The following GATM variants were observed in gnomAD, a reference collection of about 807,000 sequenced individuals.
The protein encoded by GATM is glycine amidinotransferase.
In GATM, 23 loss-of-function variants were observed where a neutral mutation model predicts 54.2. The observed-to-expected ratio is 0.42, with a 90% confidence interval of 0.31 to 0.60. GATM has a LOEUF of 0.60. GATM is among the 20% of genes least tolerant of loss of function. The pLI, the probability that GATM is intolerant of heterozygous loss-of-function variation, is 0.14. For synonymous variants in GATM, 168 were observed against 183.1 expected (o/e 0.92, Z 0.67); for missense variants, 401 against 544.9 (o/e 0.74, Z 2.63).
At chr15:45,400,621 C>G (rs1889989847) in intron 1 of GATM, among the ~76,000 whole-genome samples, 2 of 152,186 alleles carry the variant, frequency 1.3e-5, no homozygotes, top group African/African-American at 4.8e-5. Flanking sequence ...CATCATATTC[C>G]TAATAGCATA....
intron 2 of GATM, among the ~76,000 whole-genome samples, chr15:45,373,831 A>G (rs1889584557): frequency 6.6e-6 from 1 of 152,228 alleles, no homozygotes; most frequent in African/African-American, 2.4e-5. Context: ...GGCTTAGCAC[A>G]TGGCATGAAA....
intron 1 of GATM, among the ~76,000 whole-genome samples, chr15:45,399,856 T>C (rs1000363817): frequency 7.2e-5 from 11 of 152,198 alleles, no homozygotes; most frequent in Admixed American, 1.3e-4. Context: ...CTTCAATTCA[T>C]AGAATTAACA....
intron 3 of GATM, among the ~76,000 whole-genome samples, chr15:45,385,529 A>T (rs1160421344): frequency 6.6e-6 from 1 of 152,244 alleles, no homozygotes; most frequent in Non-Finnish European, 1.5e-5. Context: ...ATTTCATCAT[A>T]AGATGAACAT....
intron 2 of GATM, among the ~76,000 whole-genome samples, chr15:45,398,950 C>T (rs1190906237): frequency 1.3e-5 from 2 of 151,800 alleles, no homozygotes; most frequent in Admixed American, 6.6e-5. Flanking sequence ...GAAACAGATT[C>T]CAATTATTTC....
chr15:45,369,509 C>G lies in GATM; in HGVS notation c.301G>C (p.Glu101Gln). 1 of 1,614,016 alleles carries G rather than the reference C, an allele frequency of 6.2e-7. No individual in the cohort carries two copies. The highest frequency in any genetic ancestry group is 8.5e-7 in the Non-Finnish European group (1 of 1,179,910). ...TTCTGGTAAAATGGCCAGTACTTTT[C>G]ATATGTGTTGGCCTGGAAGTAGAAG... ...FTIEVKANTY[E>Q]KYWPFYQKQG... Residue 101 changes from glutamate (E) to glutamine (Q), a missense_variant, in exon 3 of 9, where the codon GAA becomes CAA. By Grantham distance (29) the Glu-to-Gln change is conservative. Around this residue, in one of 3 missense-constraint regions of GATM, gnomAD observed 321 missense variants for 457.5 expected, o/e 0.70. Coordinates refer to ENST00000396659, the MANE Select transcript of GATM (RefSeq NM_001482.3).
intron 2 of GATM, chr15:45,373,212 T>C (rs2140652398): frequency 6.6e-6 from 1 of 152,306 alleles, no homozygotes; most frequent in South Asian, 2.1e-4. Context: ...AAAAACATAT[T>C]TGAGGCTGGG....
intron 1 of GATM, chr15:45,377,179 CAT>C (rs1268652883): frequency 2.1e-6 from 1 of 469,340 alleles, no homozygotes; most frequent in Non-Finnish European, 4.2e-6. Flanking sequence ...CTCAGAAAAC[CAT>C]AGACAGCTGC....
chr15:45,366,083 C>G lies in GATM; in HGVS notation c.941G>C (p.Gly314Ala), dbSNP rs1889443912. The G allele has an allele frequency of 1.9e-6, 3 of 1,614,102 alleles. No individual in the cohort carries two copies. The highest frequency in any genetic ancestry group is 2.5e-6 in the Non-Finnish European group (3 of 1,180,006). ...TCGGTCAGGGTTGGAAAGCACAATA[C>G]CAGGTCCAATGATGTTGAAGGTAGC... ...IDATFNIIGPGIVLSNPDRPC... is the reference protein window; with the variant it reads ...IDATFNIIGPAIVLSNPDRPC... Residue 314 changes from glycine to alanine, a missense_variant, in exon 6 of 9, where the codon GGT becomes GCT. By Grantham distance (60) the Gly-to-Ala change is moderately conservative (BLOSUM62 0). Coordinates refer to ENST00000396659, the MANE Select transcript of GATM (RefSeq NM_001482.3).
chr15:45,380,344 T>C (rs1889724799), upstream of GATM: 1 of 151,968 alleles, frequency 6.6e-6, no homozygotes, highest in Non-Finnish European at 1.5e-5. Context: ...GGAGTAAGTC[T>C]AGGTTCATAA....
chr15:45,383,931 A>G (rs540334874), intron 3 of GATM, among the ~76,000 whole-genome samples: 3 of 152,328 alleles, frequency 2.0e-5, no homozygotes, highest in African/African-American at 7.2e-5. Context: ...AGAGCTTCAC[A>G]TGTTATTTCA....
chr15:45,382,804 G>GTAATAA (rs145436247), upstream of GATM, among the ~76,000 whole-genome samples: 1 of 151,794 alleles, frequency 6.6e-6, no homozygotes. Context: ...AAAAATATTA[G>GTAATAA]TAATAATAAT....
In GATM at chr15:45,370,886, G is replaced by T. The variant is rs1889531958; in HGVS notation, c.289-1365C>A. On this transcript the variant is annotated intron_variant, in intron 2 of 8. Coordinates refer to ENST00000396659, the MANE Select transcript of GATM (RefSeq NM_001482.3). ...CCCACCAGGTTCAAATGATTCTCCT[G>T]CCTCAACTCCCTGAGTAACTGGGAT... 1.3e-5 allele frequency among the ~76,000 whole-genome samples: 2 copies of T among 152,116 alleles called. 1 individual carries two copies. Among genetic ancestry groups the T allele is most frequent in the South Asian group, 4.1e-4 (2 of 4,824 alleles).
rs1432139620 is a variant in GATM, at chr15:45,361,930, G to T, written c.*179C>A. ...TAGGAGTAGAGAGTAATACCTAGCA[G>T]AAGTTATTTTCTTTATGTCAAAGAA... On this transcript the variant is annotated 3_prime_UTR_variant, in exon 9 of 9. Transcript: ENST00000396659. The T allele has an allele frequency of 3.7e-5, 23 of 627,056 alleles. No individual in the cohort carries two copies. The East Asian group carries it at 6.3e-4, about 17-fold the overall frequency. 38.8% of individuals were successfully genotyped at this position (627,056 alleles called of 1,614,324 possible).
At chr15:45,364,592 C>T (rs1175185682) in intron 7 of GATM, 5 of 577,162 alleles carry the variant, frequency 8.7e-6, no homozygotes, top group African/African-American at 1.9e-5. Context: ...TCTGTCTTCT[C>T]CTTACTTCAT....
At chr15:45,369,587 G>C in intron 2 of GATM, 66 bp from the exon 3 acceptor site, 1 of 1,367,600 alleles carries the variant, frequency 7.3e-7, no homozygotes, top group Non-Finnish European at 1.0e-6. Context: ...TAGGTTCATA[G>C]GCAGTAAACA....
intron 2 of GATM, among the ~76,000 whole-genome samples, chr15:45,374,801 G>C (rs1435344310): frequency 6.6e-6 from 1 of 152,184 alleles, no homozygotes; most frequent in Non-Finnish European, 1.5e-5. Flanking sequence ...CCTGGTACAT[G>C]GTAGGCAATA....
chr15:45,393,495 G>A (rs1412998172), intron 3 of GATM, among the ~76,000 whole-genome samples: 1 of 152,008 alleles, frequency 6.6e-6, no homozygotes, highest in East Asian at 1.9e-4. Flanking sequence ...ACTTACAACT[G>A]TACCTGGTAC....
rs1424827158 is a variant in GATM, at chr15:45,366,432, G to A, written c.752C>T (p.Pro251Leu). Residue 251 changes from proline (P) to leucine (L), a missense_variant, in exon 5 of 9, where the codon CCA (proline) becomes CTA (leucine). Physicochemically the swap from Pro to Leu is moderately conservative, Grantham distance 98. Transcript: ENST00000396659. ...QGKFVTTEFE[P>L]CFDAADFIRA... ...AATGAAGTCAGCAGCATCAAAGCAT[G>A]GCTCAAACTCAGTTGTCACAAATTT... 2 of 1,614,120 alleles carry A rather than the reference G, an allele frequency of 1.2e-6. No homozygotes were observed. The highest frequency in any genetic ancestry group is 1.7e-5 in the Admixed American group (1 of 60,020).
chr15:45,392,310 C>A (rs1145076), intron 3 of GATM, among the ~76,000 whole-genome samples: 85,161 of 152,110 alleles, frequency 0.56, 27,338 homozygotes, highest in East Asian at 0.91. Flanking sequence ...TCCTACAGTG[C>A]GCATTCTCTC....
Sources: allele counts gnomAD v4.1 joint callset (sites outside exome capture counted in the v4.1 genomes callset), GRCh38; gene constraint gnomAD v4.1.1; regional missense constraint gnomAD v4.1.1; transcripts MANE v1.5; gene names NCBI Gene and HGNC (gene_info 2026-07-23, HGNC 2026-07-21).